TAP1: variants seen among roughly 807,000 people sequenced by gnomAD.
TAP1 encodes the protein transporter 1, ATP binding cassette subfamily B member.
TAP1 carries 56 observed loss-of-function variants against 79.3 expected under a neutral mutation model. The observed-to-expected ratio is 0.71, with a 90% CI of 0.57 to 0.88. The LOEUF is 0.88. TAP1 is among the 40% of genes least tolerant of loss of function. The pLI is 0.00. For missense variants in TAP1, 737 were observed against 936.3 expected (o/e 0.79, Z 2.78); for synonymous variants, 355 against 401.4 (o/e 0.88, Z 1.38).
chr6:32,853,334 C>G lies in TAP1; in HGVS notation c.303G>C (p.Ala101=). The G allele has an allele frequency of 1.9e-6, 3 of 1,581,962 alleles. No individual in the cohort carries two copies. The highest frequency in any genetic ancestry group is 1.1e-5 in the South Asian group (1 of 88,036). Residue 101 remains alanine, a synonymous_variant, in exon 1 of 11, where the codon GCG becomes GCC. Transcript: ENST00000354258. The surrounding 1 kb of genome is among the most constrained non-coding windows in gnomAD (Gnocchi z 8.3). ...GTCCCGGCAGGGCCAAGCCCAGTGCCGCAGCTAATGGCTTCAAAGCAGCCA... is the reference window on the plus strand; with the variant it reads ...GTCCCGGCAGGGCCAAGCCCAGTGCGGCAGCTAATGGCTTCAAAGCAGCCA... ...GWLAALKPLA[A]ALGLALPGLA... is the part of the protein sequence containing the mutation.
At position 32,853,323 on chromosome 6, in the gene TAP1, A is replaced by G; in HGVS notation, c.314T>C (p.Leu105Ser). ...GAACAAGGCAAGTCCCGGCAGGGCC[A>G]AGCCCAGTGCCGCAGCTAATGGCTT... The part of the protein sequence containing the change: ...ALKPLAAALG[L>S]ALPGLALFRE... The change falls in exon 1 of 11, where the codon TTG becomes TCG. Residue 105 changes from leucine to serine, a missense_variant. This residue lies in a region of TAP1 where 406 missense variants were observed against 477.2 expected (regional missense o/e 0.85). Coordinates refer to ENST00000354258, the MANE Select transcript of TAP1 (RefSeq NM_000593.6). The surrounding 1 kb of genome is among the most constrained non-coding windows in gnomAD (Gnocchi z 8.3). 7.6e-6 allele frequency: 12 copies of G among 1,580,636 alleles called. No individual in the cohort carries two copies. Among genetic ancestry groups the G allele is most frequent in the Non-Finnish European group, 1.0e-5 (12 of 1,162,822 alleles).
At position 32,850,888 on chromosome 6, in the gene TAP1, C is replaced by G. The variant is rs1770736747; in HGVS notation, c.1050+56G>C. On this transcript the variant is annotated intron_variant, in intron 4 of 10. Transcript: ENST00000354258. The surrounding 1 kb of genome is among the most constrained non-coding windows in gnomAD (Gnocchi z 5.5). ...GAAAGCAATGTGAGAGGAACTGAGT[C>G]TGCCAAGTCTGGGAGATGAGGGTCT... 6.7e-7 allele frequency: 1 copy of G among 1,502,134 alleles called. No individual in the cohort carries two copies. The allele number at this position is 1,502,134 out of a possible 1,614,324, so 93.1% of individuals were successfully genotyped here.
In TAP1 at chr6:32,845,779, G is replaced by T. The variant is rs1770340996; in HGVS notation, c.2047C>A (p.Gln683Lys). Residue 683 changes from glutamine to lysine, a missense_variant, in exon 11 of 11, where the codon CAG becomes AAG. Around this residue, in one of 5 missense-constraint regions of TAP1, gnomAD observed 266 missense variants for 332.4 expected, o/e 0.80. Coordinates refer to ENST00000354258, the MANE Select transcript of TAP1 (RefSeq NM_000593.6). This position sits in a 1 kb window ranked among gnomAD's most constrained non-coding sequence, Gnocchi z 4.5. The part of the protein sequence containing the change: ...LDANSQLQVE[Q>K]LLYESPERYS... ...CGCTCAGGGCTTTCGTACAGGAGCT[G>T]CTCCACCTGAGGAAAGACATCGGAC... is the stretch of plus-strand genomic sequence containing the variant. 6.2e-7 allele frequency: 1 copy of T among 1,611,380 alleles called. No homozygotes were observed.
Position 32,845,624 on chromosome 6 carries a change from C to A in TAP1, c.2202G>T (p.Gly734=). The A allele has an allele frequency of 6.2e-7, 1 of 1,613,108 alleles. No homozygotes were observed. Among genetic ancestry groups the A allele is most frequent in the Non-Finnish European group, 8.5e-7 (1 of 1,180,052 alleles). Reference sequence around the variant, plus strand: ...GAGCCTGCACCATGGCCCAGTAGCACCCCTTTTTCTCCATGAGCTGCTGGT... The same window carrying A: ...GAGCCTGCACCATGGCCCAGTAGCAACCCTTTTTCTCCATGAGCTGCTGGT... ...GTHQQLMEKK[G]CYWAMVQAPA... The change falls in exon 11 of 11, where the codon GGG becomes GGT. Residue 734 remains glycine (G), a synonymous_variant. Coordinates refer to ENST00000354258, the MANE Select transcript of TAP1 (RefSeq NM_000593.6). The surrounding 1 kb of genome is among the most constrained non-coding windows in gnomAD (Gnocchi z 4.5).
rs1770600772 is a variant in TAP1 at position 32,848,741 on chromosome 6, G to C, written c.1477C>G (p.Leu493Val). 6.2e-7 allele frequency: 1 copy of C among 1,614,026 alleles called. No individual in the cohort carries two copies. The highest frequency in any genetic ancestry group is 8.5e-7 in the Non-Finnish European group (1 of 1,180,028). ...DRTPRCPPSGLLTPLHLEGLV... is the reference protein window; with the variant it reads ...DRTPRCPPSGVLTPLHLEGLV... ...CCCTCCAAGTGTAAGGGAGTCAACA[G>C]ACCACTGGGTGGGCAGCGAGGGGTG... Residue 493 changes from leucine to valine, a missense_variant, in exon 7 of 11, where the codon CTG (leucine) becomes GTG (valine). By Grantham distance (32) the Leu-to-Val change is conservative. Coordinates refer to ENST00000354258, the MANE Select transcript of TAP1 (RefSeq NM_000593.6).
intron 5 of TAP1, chr6:32,849,508 G>A (rs551770299): frequency 1.8e-5 from 6 of 328,244 alleles, no homozygotes; most frequent in South Asian, 1.3e-4. Context: ...TTGGGAGGCC[G>A]AAGTGGGCGG....
chr6:32,849,418 G>C lies in TAP1; in HGVS notation c.1249-300C>G, dbSNP rs139371286. On this transcript the variant is annotated intron_variant, in intron 5 of 10. Transcript: ENST00000354258. ...GCTAATACATGAAGAGCCTTATAAA[G>C]AAGGTTATATCACTCCATTTTTGAA... is the stretch of plus-strand genomic sequence containing the variant. The C allele has an allele frequency of 2.1e-3, 1,029 of 496,886 alleles. 12 individuals carry two copies. Among genetic ancestry groups the C allele is most frequent in the African/African-American group, 0.018 (949 of 51,598 alleles). The allele number at this position is 496,886 out of a possible 1,614,324, so 30.8% of individuals were successfully genotyped here.
chr6:32,850,200 C>T lies in TAP1; in HGVS notation c.1248+120G>A, dbSNP rs931237725. 21 of 1,141,508 alleles carry T rather than the reference C, an allele frequency of 1.8e-5. No individual in the cohort carries two copies. Among genetic ancestry groups the T allele is most frequent in the South Asian group, 1.1e-4 (9 of 79,232 alleles). 70.7% of individuals were successfully genotyped at this position (1,141,508 alleles called of 1,614,324 possible). A position where few individuals can be genotyped will look rare whatever the true frequency, so the allele number is the denominator to read the frequency against. On this transcript the variant is annotated intron_variant, in intron 5 of 10. Transcript: ENST00000354258. The surrounding 1 kb of genome is among the most constrained non-coding windows in gnomAD (Gnocchi z 5.5). ...GTCATTGAGCCTCAGGTTGCTAGGA[C>T]GAAAATACTGAACCAACCATTTCCC...
In TAP1 at chr6:32,847,232, C is replaced by G; in HGVS notation, c.1904-28G>C. 6.2e-7 allele frequency: 1 copy of G among 1,609,398 alleles called. No homozygotes were observed. Among genetic ancestry groups the G allele is most frequent in the Non-Finnish European group, 8.5e-7 (1 of 1,179,984 alleles). Reference sequence around the variant, plus strand: ...GCAGAGCAAAGGGCCAAGATGAGAACGGTATAGCCACATGTGTGCACGCAT... The same window carrying G: ...GCAGAGCAAAGGGCCAAGATGAGAAGGGTATAGCCACATGTGTGCACGCAT... On this transcript the variant is annotated intron_variant, in intron 9 of 10. Coordinates refer to ENST00000354258, the MANE Select transcript of TAP1 (RefSeq NM_000593.6). The surrounding 1 kb of genome is among the most constrained non-coding windows in gnomAD (Gnocchi z 4.7).
In TAP1 at chr6:32,845,330, T is replaced by G; in HGVS notation, c.*249A>C. On this transcript the variant is annotated 3_prime_UTR_variant, in exon 11 of 11. Transcript: ENST00000354258. This position sits in a 1 kb window ranked among gnomAD's most constrained non-coding sequence, Gnocchi z 4.5. ...TCCGTACATTCTGAACATTTCTCAG[T>G]TTCAGAGTGCTGGCCACACCAAAGC... The G allele has an allele frequency of 1.7e-6, 1 of 599,722 alleles. No homozygotes were observed. The highest frequency in any genetic ancestry group is 3.0e-6 in the Non-Finnish European group (1 of 337,256). The allele number at this position is 599,722 out of a possible 1,614,324, so 37.2% of individuals were successfully genotyped here. A position where few individuals can be genotyped will look rare whatever the true frequency, so the allele number is the denominator to read the frequency against.
At position 32,852,345 on chromosome 6, in the gene TAP1, C is replaced by G. The variant is rs1458627651; in HGVS notation, c.713+43G>C. Reference sequence around the variant, plus strand: ...CATTTCGGACAGCAGCCCCAACTTCCAACTCCCTCATTTGCAGGGTGCCCC... The same window carrying G: ...CATTTCGGACAGCAGCCCCAACTTCGAACTCCCTCATTTGCAGGGTGCCCC... On this transcript the variant is annotated intron_variant, in intron 2 of 10. Coordinates refer to ENST00000354258, the MANE Select transcript of TAP1 (RefSeq NM_000593.6). The surrounding 1 kb of genome is among the most constrained non-coding windows in gnomAD (Gnocchi z 4.8). 1 of 1,612,752 alleles carries G rather than the reference C, an allele frequency of 6.2e-7. No individual in the cohort carries two copies. The highest frequency in any genetic ancestry group is 8.5e-7 in the Non-Finnish European group (1 of 1,179,880).
Position 32,852,384 on chromosome 6 carries a change from A to G in TAP1, c.713+4T>C. 1 of 1,613,052 alleles carries G rather than the reference A, an allele frequency of 6.2e-7. No homozygotes were observed. Among genetic ancestry groups the G allele is most frequent in the Non-Finnish European group, 8.5e-7 (1 of 1,180,018 alleles). ...GCAGGGTGCCCCATTTTCAGCCCCC[A>G]GACCTGGCTATGGTGAGAATGGACA... On this transcript the variant is annotated splice_donor_region_variant and intron_variant, in intron 2 of 10. Coordinates refer to ENST00000354258, the MANE Select transcript of TAP1 (RefSeq NM_000593.6). The surrounding 1 kb of genome is among the most constrained non-coding windows in gnomAD (Gnocchi z 4.8).
At chr6:32,846,099 A>C (rs1003272544) in intron 10 of TAP1, 12 of 460,226 alleles carry the variant, frequency 2.6e-5, no homozygotes, top group Non-Finnish European at 4.8e-5. Context: ...ATTTTAAGGA[A>C]ATATAACTTA....
rs2098987683 is a variant in TAP1 at position 32,853,123 on chromosome 6, G to A, written c.514C>T (p.Pro172Ser). Reference sequence around the variant, plus strand: ...AGGCAGCCTAGAAGCCGACGCACAGGGTTTCCAGAGCCGCCCTGACCGCCG... The same window carrying A: ...AGGCAGCCTAGAAGCCGACGCACAGAGTTTCCAGAGCCGCCCTGACCGCCG... ...VPGGQGGSGN[P>S]VRRLLGCLGS... The change falls in exon 1 of 11, where the codon CCT (proline) becomes TCT (serine). Residue 172 changes from proline to serine, a missense_variant. Transcript: ENST00000354258. The surrounding 1 kb of genome is among the most constrained non-coding windows in gnomAD (Gnocchi z 8.3). 1 of 1,612,830 alleles carries A rather than the reference G, an allele frequency of 6.2e-7. No individual in the cohort carries two copies. The highest frequency in any genetic ancestry group is 8.5e-7 in the Non-Finnish European group (1 of 1,179,976).
At position 32,848,816 on chromosome 6, in the gene TAP1, C is replaced by T; in HGVS notation, c.1402G>A (p.Val468Ile). ...TCTGAGGAGCCCACAGCCTTCTGTA[C>T]TCTGGGGTAGATGGAGAGCAGTACC... Reference protein sequence around the residue: ...VEVLLSIYPRVQKAVGSSEKI... With the variant: ...VEVLLSIYPRIQKAVGSSEKI... The change falls in exon 7 of 11, where the codon GTA becomes ATA. Residue 468 changes from valine (V) to isoleucine (I), a missense_variant. Val to Ile is a conservative substitution (Grantham distance 29). Coordinates refer to ENST00000354258, the MANE Select transcript of TAP1 (RefSeq NM_000593.6). 1 of 1,613,986 alleles carries T rather than the reference C, an allele frequency of 6.2e-7. No individual in the cohort carries two copies. Among genetic ancestry groups the T allele is most frequent in the Non-Finnish European group, 8.5e-7 (1 of 1,180,036 alleles).
In TAP1 at chr6:32,852,141, T is replaced by C. The variant is rs1293161333; in HGVS notation, c.812A>G (p.Gln271Arg). Residue 271 changes from glutamine (Q) to arginine (R), a missense_variant, in exon 3 of 11, where the codon CAG (glutamine) becomes CGG (arginine). This residue lies in a region of TAP1 where 406 missense variants were observed against 477.2 expected (regional missense o/e 0.85). Transcript: ENST00000354258. The surrounding 1 kb of genome is among the most constrained non-coding windows in gnomAD (Gnocchi z 4.8). Reference protein sequence around the residue: ...QGEVFGAVLRQETEFFQQNQT... With the variant: ...QGEVFGAVLRRETEFFQQNQT... Reference sequence around the variant, plus strand: ...GTTCTGTTGGAAAAACTCCGTCTCCTGGCGCAGGACAGCCCCAAACACCTC... The same window carrying C: ...GTTCTGTTGGAAAAACTCCGTCTCCCGGCGCAGGACAGCCCCAAACACCTC... The C allele has an allele frequency of 6.2e-7, 1 of 1,612,924 alleles. No individual in the cohort carries two copies. Among genetic ancestry groups the C allele is most frequent in the Non-Finnish European group, 8.5e-7 (1 of 1,180,026 alleles).
Position 32,852,897 on chromosome 6 carries a change from T to C in TAP1, c.598+142A>G. 1 of 1,451,766 alleles carries C rather than the reference T, an allele frequency of 6.9e-7. No homozygotes were observed. The highest frequency in any genetic ancestry group is 1.4e-5 in the African/African-American group (1 of 70,630). 89.9% of individuals were successfully genotyped at this position (1,451,766 alleles called of 1,614,324 possible). On this transcript the variant is annotated intron_variant, in intron 1 of 10. Transcript: ENST00000354258. The surrounding 1 kb of genome is among the most constrained non-coding windows in gnomAD (Gnocchi z 4.8). ...CAGTGCCGTTTCTTCTACACCGAAG[T>C]GGTGTTCCAAGACCCACGCTAGGAG... is the stretch of plus-strand genomic sequence containing the variant.
rs1770764718 is a variant in TAP1, at chr6:32,851,236, CA to C, written c.845-88del. Reference sequence around the variant, plus strand: ...TAACAATGAGCCAGGATGCCAGGGTCAGGGGTGTCAACATGGGGTTCTAAGG... The same window carrying C: ...TAACAATGAGCCAGGATGCCAGGGTCGGGGTGTCAACATGGGGTTCTAAGG... On this transcript the variant is annotated intron_variant, in intron 3 of 10. Coordinates refer to ENST00000354258, the MANE Select transcript of TAP1 (RefSeq NM_000593.6). The surrounding 1 kb of genome is among the most constrained non-coding windows in gnomAD (Gnocchi z 4.8). The C allele has an allele frequency of 3.0e-6, 4 of 1,340,834 alleles. No individual in the cohort carries two copies. Among genetic ancestry groups the C allele is most frequent in the Admixed American group, 3.9e-5 (2 of 51,802 alleles). 83.1% of individuals were successfully genotyped at this position (1,340,834 alleles called of 1,614,324 possible).
In TAP1 at chr6:32,851,628, G is replaced by A. The variant is rs1458579262; in HGVS notation, c.845-479C>T. On this transcript the variant is annotated intron_variant, in intron 3 of 10. Transcript: ENST00000354258. The surrounding 1 kb of genome is among the most constrained non-coding windows in gnomAD (Gnocchi z 4.8). Reference sequence around the variant, plus strand: ...TAGAAAGCATGCCGAAGTCTGTGGAGCACTCAAGAGACCAGGGTTCTAACC... The same window carrying A: ...TAGAAAGCATGCCGAAGTCTGTGGAACACTCAAGAGACCAGGGTTCTAACC... Among the ~76,000 whole-genome samples the A allele has an allele frequency of 6.6e-6, 1 of 152,168 alleles. No individual in the cohort carries two copies. The highest frequency in any genetic ancestry group is 2.4e-5 in the African/African-American group (1 of 41,414).
Sources: gnomAD v4.1 joint callset for allele counts (sites outside exome capture counted in the v4.1 genomes callset) on GRCh38, gnomAD v4.1.1 for gene constraint, gnomAD v4.1.1 regional missense constraint, Gnocchi (gnomAD v3.1) non-coding constraint, MANE v1.5 for transcripts, NCBI Gene and HGNC (gene_info 2026-07-23, HGNC 2026-07-21) for gene names.